KIF2A: variants seen among roughly 807,000 people sequenced by gnomAD.
The protein encoded by KIF2A is kinesin family member 2A.
A neutral mutation model predicts 100.2 loss-of-function variants in KIF2A; 22 were observed. The ratio of observed to expected loss-of-function variants is 0.22; its 90% CI spans 0.16 to 0.31. KIF2A has a LOEUF of 0.31. Ranked by LOEUF, KIF2A falls within the 10% of genes least tolerant of loss-of-function variation. The pLI, the probability that KIF2A is intolerant of heterozygous loss-of-function variation, is 1.00. For synonymous variants in KIF2A, 268 were observed against 285.9 expected, an observed-to-expected ratio of 0.94 and a Z score of 0.63; for missense variants, 495 against 898.7, an observed-to-expected ratio of 0.55 and a Z score of 5.74.
chr5:62,339,937 C>CTTT (rs36051288), intron 1 of KIF2A, among the ~76,000 whole-genome samples: 1 of 130,610 alleles, frequency 7.7e-6, no homozygotes, highest in Non-Finnish European at 1.6e-5. Context: ...ACTTTTAGTA[C>CTTT]TTTTTTTTTT....
rs1377809439 is a variant in KIF2A, at chr5:62,387,961, G to T, written c.*2392G>T. On this transcript the variant is annotated 3_prime_UTR_variant, in exon 21 of 21. Coordinates refer to ENST00000407818, the MANE Select transcript of KIF2A (RefSeq NM_001098511.3). ...TTAAAAAAAGCCAAATATCAATAAA[G>T]ATATTTTTATTAATTTTTTATAGAA... 1 of 151,830 alleles carries T rather than the reference G, an allele frequency of 6.6e-6. No individual in the cohort carries two copies. The highest frequency in any genetic ancestry group is 1.9e-4 in the East Asian group (1 of 5,188). The allele number at this position is 151,830 out of a possible 1,614,324, so 9.4% of individuals were successfully genotyped here.
chr5:62,358,740 A>T (rs1291060946), intron 9 of KIF2A, among the ~76,000 whole-genome samples: 2 of 152,214 alleles, frequency 1.3e-5, no homozygotes, highest in East Asian at 1.9e-4. Context: ...GCACGATCAC[A>T]GCTCACTGCA....
rs1466644133 is a variant in KIF2A, at chr5:62,352,568, T to A, written c.335-20T>A. The A allele has an allele frequency of 3.1e-5, 21 of 686,104 alleles. No homozygotes were observed. The highest frequency in any genetic ancestry group is 6.0e-5 in the East Asian group (1 of 16,734). 42.5% of individuals were successfully genotyped at this position (686,104 alleles called of 1,614,324 possible). On this transcript the variant is annotated intron_variant, in intron 4 of 20. Transcript: ENST00000407818. ...CTAATTTTCTATCCTGAATTTAAAA[T>A]TTTTTTTTTTTACTTACAGTGGTTG...
chr5:62,334,362 C>G (rs1746819308), intron 1 of KIF2A, among the ~76,000 whole-genome samples: 1 of 152,068 alleles, frequency 6.6e-6, no homozygotes, highest in South Asian at 2.1e-4. Context: ...ATCCCGATCT[C>G]CAGACTTCCC....
chr5:62,370,701 AGTGGC>A (rs1356914871), intron 16 of KIF2A, among the ~76,000 whole-genome samples: 2 of 151,826 alleles, frequency 1.3e-5, no homozygotes, highest in Non-Finnish European at 2.9e-5. Flanking sequence ...AGAAATAGAC[AGTGGC>A]CTCTATCCTG....
rs1304931560 is a variant in KIF2A at position 62,371,105 on chromosome 5, A to G, written c.1647-1333A>G. Among the ~76,000 whole-genome samples the G allele has an allele frequency of 2.6e-5, 4 of 152,188 alleles. No individual in the cohort carries two copies. In the East Asian group the frequency reaches 5.8e-4, roughly 22 times the overall value. On this transcript the variant is annotated intron_variant, in intron 16 of 20. Coordinates refer to ENST00000407818, the MANE Select transcript of KIF2A (RefSeq NM_001098511.3). Reference sequence around the variant, plus strand: ...AACCTAACGAGACCTCATCTCTACAAAAAAATAAAAAATTAGCCGGGGGTG... The same window carrying G: ...AACCTAACGAGACCTCATCTCTACAGAAAAATAAAAAATTAGCCGGGGGTG...
At chr5:62,348,229 G>T (rs1747676366) in intron 3 of KIF2A, 62 bp downstream of exon 3, 2 of 1,571,434 alleles carry the variant, frequency 1.3e-6, no homozygotes, top group African/African-American at 2.7e-5. Context: ...AGATGTGTGT[G>T]TGTTCTAGTT....
At chr5:62,383,487 C>T (rs750213211) in intron 20 of KIF2A, among the ~76,000 whole-genome samples, 5 of 151,970 alleles carry the variant, frequency 3.3e-5, no homozygotes, top group Non-Finnish European at 7.4e-5. Context: ...TTGTGATCCG[C>T]CCATCTCGGC....
intron 19 of KIF2A, among the ~76,000 whole-genome samples, chr5:62,380,906 T>C (rs1044882181): frequency 6.6e-6 from 1 of 152,104 alleles, no homozygotes; most frequent in Non-Finnish European, 1.5e-5. Context: ...TTGAAAAAAA[T>C]CCACATAAGT....
chr5:62,309,100 CAG>C, intron 1 of KIF2A, among the ~76,000 whole-genome samples: 1 of 152,202 alleles, frequency 6.6e-6, no homozygotes, highest in African/African-American at 2.4e-5. Context: ...GAAATCGTAT[CAG>C]AAAAAGTATA....
intron 1 of KIF2A, among the ~76,000 whole-genome samples, chr5:62,333,054 G>C (rs562582649): frequency 1.6e-4 from 24 of 152,266 alleles, no homozygotes; most frequent in Admixed American, 1.1e-3. Flanking sequence ...TACTTCGCAT[G>C]ATTTTTTATG....
chr5:62,314,627 CTT>C (rs904724836), intron 1 of KIF2A, among the ~76,000 whole-genome samples: 1 of 151,980 alleles, frequency 6.6e-6, no homozygotes, highest in African/African-American at 2.4e-5. Context: ...CTTTTGAAGA[CTT>C]TTTCTCCAGG....
intron 1 of KIF2A, among the ~76,000 whole-genome samples, chr5:62,336,859 A>G (rs1339774418): frequency 2.6e-5 from 4 of 152,218 alleles, no homozygotes; most frequent in African/African-American, 7.2e-5. Flanking sequence ...GGAAAAGACA[A>G]ATGAACAAAT....
At chr5:62,354,091 C>A (rs1747982919) in intron 6 of KIF2A, among the ~76,000 whole-genome samples, 1 of 152,086 alleles carries the variant, frequency 6.6e-6, no homozygotes, top group Non-Finnish European at 1.5e-5. Flanking sequence ...TGTTAAACTA[C>A]CAGTTCAGAT....
At chr5:62,341,151 C>T (rs1474006626) in intron 1 of KIF2A, among the ~76,000 whole-genome samples, 1 of 152,208 alleles carries the variant, frequency 6.6e-6, no homozygotes, top group Non-Finnish European at 1.5e-5. Context: ...AATTCTCAGT[C>T]CTGCCCTGCT....
intron 1 of KIF2A, among the ~76,000 whole-genome samples, chr5:62,315,756 C>G (rs1745790078): frequency 6.6e-6 from 1 of 152,108 alleles, no homozygotes; most frequent in Non-Finnish European, 1.5e-5. Flanking sequence ...GACTTAATCT[C>G]CTAAGAGCAG....
At position 62,347,922 on chromosome 5, in the gene KIF2A, C is replaced by T. The variant is rs967955527; in HGVS notation, c.160-126C>T. On this transcript the variant is annotated intron_variant, in intron 2 of 20. Transcript: ENST00000407818. ...TACAGGCATGAGCCACTGCACCCAG[C>T]CGAGTTACTGTATTCATTAGGCTAA... is the stretch of plus-strand genomic sequence containing the variant. The T allele has an allele frequency of 5.0e-6, 5 of 996,882 alleles. No homozygotes were observed. In the Admixed American group the frequency reaches 8.2e-5, roughly 16 times the overall value. 61.8% of individuals were successfully genotyped at this position (996,882 alleles called of 1,614,324 possible). A position where few individuals can be genotyped will look rare whatever the true frequency, so the allele number is the denominator to read the frequency against.
Position 62,306,264 on chromosome 5 carries a change from G to GC in KIF2A, c.-208dup, listed in dbSNP as rs1745258292. On this transcript the variant is annotated 5_prime_UTR_variant, in exon 1 of 21. Coordinates refer to ENST00000407818, the MANE Select transcript of KIF2A (RefSeq NM_001098511.3). ...TAGCTTCACCCCGACTACCCGGCGT[G>GC]CGCGTCCTCCTGCCGGCCTGCAGGC... 2.2e-5 allele frequency: 12 copies of GC among 533,656 alleles called. No individual in the cohort carries two copies. The South Asian group carries it at 2.9e-4, about 13-fold the overall frequency. 33.1% of individuals were successfully genotyped at this position (533,656 alleles called of 1,614,324 possible).
At chr5:62,362,578 TATA>T in intron 12 of KIF2A, 37 bp downstream of exon 12, 1 of 913,626 alleles carries the variant, frequency 1.1e-6, no homozygotes, top group Non-Finnish European at 1.6e-6. Flanking sequence ...TTTTTTAAAA[TATA>T]TATATAACAT....
Sources: gnomAD v4.1 joint callset for allele counts (sites outside exome capture counted in the v4.1 genomes callset) on GRCh38, gnomAD v4.1.1 for gene constraint, MANE v1.5 for transcripts, NCBI Gene and HGNC (gene_info 2026-07-23, HGNC 2026-07-21) for gene names.